Variants in DNAH8 observed in about 807,000 individuals in gnomAD.
DNAH8 encodes the protein axonemal beta dynein heavy chain 8.
DNAH8 carries 382 observed loss-of-function variants against 562.1 expected under a neutral mutation model. That is an observed-to-expected ratio of 0.68 (90% CI 0.63 to 0.74). The LOEUF is 0.74. Among genes scored for constraint, DNAH8 ranks in the 30% least tolerant of loss-of-function variants. DNAH8 has a pLI of 0.00. For missense variants in DNAH8, 5,203 were observed against 5,620.4 expected, an observed-to-expected ratio of 0.93 and a Z score of 2.37; for synonymous variants, 1,881 against 1,919.4, an observed-to-expected ratio of 0.98 and a Z score of 0.52.
At chr6:38,945,697 C>T in intron 80 of DNAH8, 109 bp downstream of exon 80, 1 of 1,454,558 alleles carries the variant, frequency 6.9e-7, no homozygotes, top group South Asian at 1.2e-5. Context: ...AAAAAGTCAA[C>T]CCAATAGTTT....
At chr6:38,973,587 G>A in intron 83 of DNAH8, 74 bp from the exon 84 acceptor site, 4 of 1,239,676 alleles carry the variant, frequency 3.2e-6, no homozygotes, top group Non-Finnish European at 2.2e-6. Context: ...TTTAAAAAAA[G>A]TGCACATTTT....
At chr6:38,721,965 C>T (rs1231012397) in intron 1 of DNAH8, among the ~76,000 whole-genome samples, 1 of 152,186 alleles carries the variant, frequency 6.6e-6, no homozygotes, top group Non-Finnish European at 1.5e-5. Flanking sequence ...TTAACCACAT[C>T]CTGAAAACAT....
chr6:38,831,859 T>C (rs566810269), intron 30 of DNAH8, among the ~76,000 whole-genome samples: 18 of 152,326 alleles, frequency 1.2e-4, no homozygotes, highest in African/African-American at 4.3e-4. Flanking sequence ...GCAATTATTA[T>C]TGAAGGTTTA....
intron 85 of DNAH8, 25 bp downstream of exon 85, chr6:38,974,554 A>T: frequency 1.2e-6 from 2 of 1,603,706 alleles, no homozygotes; most frequent in South Asian, 2.2e-5. Context: ...CAGTTTTCAC[A>T]TTTAGGAGAT....
At chr6:38,846,677 C>T (rs1775325808) in intron 36 of DNAH8, among the ~76,000 whole-genome samples, 1 of 152,136 alleles carries the variant, frequency 6.6e-6, no homozygotes, top group African/African-American at 2.4e-5. Flanking sequence ...ATATTCAGTA[C>T]TTCCTAGACT....
chr6:38,843,031 G>A, intron 35 of DNAH8, 128 bp downstream of exon 35: 1 of 843,540 alleles, frequency 1.2e-6, no homozygotes, highest in Non-Finnish European at 1.8e-6. Context: ...CTCAAAATTT[G>A]GAATGATCCT....
At chr6:38,848,554 C>G in intron 36 of DNAH8, 94 bp from the exon 37 acceptor site, 3 of 1,020,790 alleles carry the variant, frequency 2.9e-6, no homozygotes, top group Non-Finnish European at 2.9e-6. Flanking sequence ...CATTCATTCC[C>G]AAAGTAATAT....
chr6:38,791,517 A>G (rs1769739587), intron 20 of DNAH8, 38 bp from the exon 21 acceptor site: 1 of 1,586,432 alleles, frequency 6.3e-7, no homozygotes, highest in Non-Finnish European at 8.5e-7. Context: ...TCTAAAGGAA[A>G]GAAGAGTTTT....
Position 38,896,135 on chromosome 6 carries a change from A to ATACTTT in DNAH8, c.8851_8856dup (p.Tyr2951_Phe2952dup). On this transcript the variant is annotated inframe_insertion, in exon 60 of 93. Transcript: ENST00000327475. ...CAGCGTCGTGTATTCTTCCTGAACC[A>ATACTTT]TACTTTGTGGATTTTCTTCGTGAGA... The ATACTTT allele has an allele frequency of 6.8e-6, 11 of 1,613,970 alleles. No homozygotes were observed. Among genetic ancestry groups the ATACTTT allele is most frequent in the Non-Finnish European group, 9.3e-6 (11 of 1,179,958 alleles).
chr6:38,816,022 A>G (rs1254864239), intron 26 of DNAH8, among the ~76,000 whole-genome samples: 1 of 151,892 alleles, frequency 6.6e-6, no homozygotes, highest in African/African-American at 2.4e-5. Flanking sequence ...CACTTCCTGT[A>G]TAGAAAGAAA....
intron 91 of DNAH8, among the ~76,000 whole-genome samples, chr6:39,021,508 A>G (rs1766915834): frequency 6.6e-6 from 1 of 152,224 alleles, no homozygotes; most frequent in South Asian, 2.1e-4. Context: ...TCAGCAGTTT[A>G]ATGTCCCTGC....
rs542990147 is a variant in DNAH8, at chr6:38,736,129, GA to G, written c.763-927del. On this transcript the variant is annotated intron_variant, in intron 5 of 92. Transcript: ENST00000327475. ...CTTCAGCTTGGGCTACAGAGTGAGA[GA>G]AAAAAAAAAAGACATTTTCTGTGGA... Among the ~76,000 whole-genome samples, 126 of 144,314 alleles carry G rather than the reference GA, an allele frequency of 8.7e-4. 1 individual carries two copies. Among genetic ancestry groups the G allele is most frequent in the Middle Eastern group, 3.5e-3 (1 of 288 alleles). The allele number at this position is 144,314 out of a possible 152,430, so 94.7% of individuals were successfully genotyped here.
At chr6:38,862,762 A>G (rs1041708106) in intron 44 of DNAH8, among the ~76,000 whole-genome samples, 1 of 152,216 alleles carries the variant, frequency 6.6e-6, no homozygotes, top group Non-Finnish European at 1.5e-5. Flanking sequence ...CAGGGGACAC[A>G]TGTGGCTTCC....
intron 66 of DNAH8, among the ~76,000 whole-genome samples, chr6:38,912,378 T>C (rs1034307993): frequency 6.6e-6 from 1 of 152,106 alleles, no homozygotes; most frequent in Non-Finnish European, 1.5e-5. Flanking sequence ...GGTGGGAGGA[T>C]CACTTGAGCC....
Position 38,770,526 on chromosome 6 carries a change from A to G in DNAH8, c.1731A>G (p.Gly577=). 6.2e-7 allele frequency: 1 copy of G among 1,603,830 alleles called. No homozygotes were observed. Among genetic ancestry groups the G allele is most frequent in the Non-Finnish European group, 8.5e-7 (1 of 1,177,534 alleles). Residue 577 remains glycine, a synonymous_variant, in exon 12 of 93, where the codon GGA becomes GGG. Transcript: ENST00000327475. ...SFEVSEMYIF[G]KFEAFCKRLE... is the part of the protein sequence containing the mutation. ...AGGTTTCAGAAATGTATATATTTGG[A>G]AAATTTGAAGCTTTTTGCAAAAGAC... is the stretch of plus-strand genomic sequence containing the variant.
chr6:38,754,619 G>A (rs1765751316), intron 9 of DNAH8, among the ~76,000 whole-genome samples: 1 of 152,072 alleles, frequency 6.6e-6, no homozygotes, highest in Non-Finnish European at 1.5e-5. Flanking sequence ...TTCCTTGAAG[G>A]GAGGGATGCC....
intron 3 of DNAH8, among the ~76,000 whole-genome samples, chr6:38,726,732 A>T (rs956177185): frequency 6.6e-6 from 1 of 152,080 alleles, no homozygotes; most frequent in Non-Finnish European, 1.5e-5. Flanking sequence ...AGGATATATG[A>T]TAGGTTGGAT....
chr6:38,789,587 A>T (rs1013352475), intron 18 of DNAH8, among the ~76,000 whole-genome samples: 1 of 152,184 alleles, frequency 6.6e-6, no homozygotes, highest in Non-Finnish European at 1.5e-5. Flanking sequence ...AAAAATGAAG[A>T]TGTAGAAATT....
intron 88 of DNAH8, among the ~76,000 whole-genome samples, chr6:39,007,814 T>A (rs1765891468): frequency 1.3e-5 from 2 of 151,944 alleles, no homozygotes; most frequent in Admixed American, 1.3e-4. Context: ...ACTGCGTGGC[T>A]GACCTGTTCA....
Sources: allele counts gnomAD v4.1 joint callset (sites outside exome capture counted in the v4.1 genomes callset), GRCh38; gene constraint gnomAD v4.1.1; transcripts MANE v1.5; gene names NCBI Gene and HGNC (gene_info 2026-07-23, HGNC 2026-07-21).